ARAP1: variants seen among roughly 807,000 people sequenced by gnomAD.
ARAP1 encodes the protein ArfGAP with RhoGAP domain, ankyrin repeat and PH domain 1.
In ARAP1, 76 loss-of-function variants were observed where a neutral mutation model predicts 172.2. The observed-to-expected ratio is 0.44, with a 90% CI of 0.37 to 0.53. The LOEUF is 0.53. Ranked by LOEUF, ARAP1 falls within the 20% of genes least tolerant of loss-of-function variation. The probability of loss-of-function intolerance (pLI) is 0.00; values close to 1 mark genes in which losing one functional copy is unlikely to be tolerated. For missense variants in ARAP1, 1,686 were observed against 1,977.5 expected (o/e 0.85, Z 2.80); for synonymous variants, 804 against 803.3 (o/e 1.00, Z -0.01).
intron 1 of ARAP1, among the ~76,000 whole-genome samples, chr11:72,745,355 A>ATTTTTTTTTTTTTTTTTT: frequency 9.0e-6 from 1 of 110,746 alleles, no homozygotes; most frequent in Non-Finnish European, 1.8e-5. Context: ...CGTCCGGCTA[A>ATTTTTTTTTTTTTTTTTT]TTTTTTTTTT....
At position 72,736,124 on chromosome 11, in the gene ARAP1, T is replaced by C. The variant is rs144112810; in HGVS notation, c.-127-3527A>G. Among the ~76,000 whole-genome samples, 195 of 152,386 alleles carry C rather than the reference T, an allele frequency of 1.3e-3. 1 individual carries two copies. The highest frequency in any genetic ancestry group is 4.5e-3 in the African/African-American group (188 of 41,592). ...TTTAAAATGTTAATGTTTTATATTT[T>C]GCTCATCATGGATTTTTGGCATTAA... On this transcript the variant is annotated intron_variant, in intron 1 of 34. Coordinates refer to ENST00000393609, the MANE Select transcript of ARAP1 (RefSeq NM_001040118.3).
chr11:72,736,633 G>T (rs546960645), intron 1 of ARAP1, among the ~76,000 whole-genome samples: 2 of 152,000 alleles, frequency 1.3e-5, no homozygotes, highest in South Asian at 4.2e-4. Context: ...CCACCCTAAT[G>T]GCCCAATCAG....
intron 12 of ARAP1, among the ~76,000 whole-genome samples, chr11:72,706,351 T>A (rs930396704): frequency 1.3e-5 from 2 of 152,148 alleles, no homozygotes; most frequent in Non-Finnish European, 2.9e-5. Context: ...TCAGCTGGCA[T>A]GTCACCTCCT....
intron 1 of ARAP1, among the ~76,000 whole-genome samples, chr11:72,740,021 G>A (rs1858153909): frequency 6.6e-6 from 1 of 152,212 alleles, no homozygotes; most frequent in Admixed American, 6.5e-5. Context: ...GGAGCAGGGG[G>A]AGAAGAGCTG....
rs1284457075 is a variant in ARAP1 at position 72,697,947 on chromosome 11, C to T, written c.2701G>A (p.Glu901Lys). The stretch of plus-strand genomic sequence containing the variant: ...AGTTTCCGTAGTTGCAGCGGCTCTT[C>T]GCAGGGCCCCTCCGGGAAGACAGCA... ...LRAVFPEGPC[E>K]EPLQLRKLQE... Residue 901 changes from glutamate (E) to lysine (K), a missense_variant, in exon 19 of 35, where the codon GAA (glutamate) becomes AAA (lysine). Glu to Lys is a moderately conservative substitution (Grantham distance 56). Transcript: ENST00000393609. The T allele has an allele frequency of 3.7e-6, 6 of 1,610,364 alleles. No individual in the cohort carries two copies. Among genetic ancestry groups the T allele is most frequent in the Middle Eastern group, 1.7e-4 (1 of 6,042 alleles).
intron 3 of ARAP1, among the ~76,000 whole-genome samples, chr11:72,718,141 G>T (rs1016344495): frequency 6.6e-6 from 1 of 152,210 alleles, no homozygotes; most frequent in African/African-American, 2.4e-5. Context: ...GAAGTCTCCT[G>T]GCTGCTCCCT....
chr11:72,712,132 G>C, intron 7 of ARAP1, 64 bp downstream of exon 7: 1 of 1,496,058 alleles, frequency 6.7e-7, no homozygotes, highest in Non-Finnish European at 8.9e-7. Flanking sequence ...GTGTCCTGGG[G>C]TCCTGGACAC....
In ARAP1 at chr11:72,710,366, T is replaced by G. The variant is rs1480603117; in HGVS notation, c.1416+19A>C. On this transcript the variant is annotated intron_variant, in intron 10 of 34. Transcript: ENST00000393609. The surrounding 1 kb of genome is among the most constrained non-coding windows in gnomAD (Gnocchi z 4.3). ...TAGGTGGACATGGGCAGGGGAGAGG[T>G]TCCATGACCCCTTAGCACCTCTAGA... 2 of 1,611,734 alleles carry G rather than the reference T, an allele frequency of 1.2e-6. No homozygotes were observed. The highest frequency in any genetic ancestry group is 3.3e-5 in the Admixed American group (2 of 59,870).
chr11:72,719,920 A>C (rs1591221713), intron 3 of ARAP1, among the ~76,000 whole-genome samples: 1 of 152,104 alleles, frequency 6.6e-6, no homozygotes, highest in Non-Finnish European at 1.5e-5. Context: ...AGCCCAAATC[A>C]TACATCCATC....
rs573265759 is a variant in ARAP1, at chr11:72,699,914, T to C, written c.2303-362A>G. On this transcript the variant is annotated intron_variant, in intron 16 of 34. Transcript: ENST00000393609. This position sits in a 1 kb window ranked among gnomAD's most constrained non-coding sequence, Gnocchi z 4.2. ...GCCCGTCTCTCCAGCTGCCTCTCTG[T>C]CACTCCTGGACACACACATCCCTAC... The C allele has an allele frequency of 1.3e-4, 41 of 315,114 alleles. No individual in the cohort carries two copies. The highest frequency in any genetic ancestry group is 1.2e-3 in the Middle Eastern group (3 of 2,484). 19.5% of individuals were successfully genotyped at this position (315,114 alleles called of 1,614,324 possible).
rs1269326363 is a variant in ARAP1, at chr11:72,713,183, G to A, written c.740C>T (p.Thr247Ile). The A allele has an allele frequency of 6.2e-7, 1 of 1,613,900 alleles. No individual in the cohort carries two copies. Among genetic ancestry groups the A allele is most frequent in the Non-Finnish European group, 8.5e-7 (1 of 1,179,878 alleles). The change falls in exon 5 of 35, where the codon ACC becomes ATC. Residue 247 changes from threonine (T) to isoleucine (I), a missense_variant. This residue lies in a region of ARAP1 where 155 missense variants were observed against 129.2 expected (regional missense o/e 1.20). Coordinates refer to ENST00000393609, the MANE Select transcript of ARAP1 (RefSeq NM_001040118.3). ...TCCCATGCCTGGCCCCACCTTCTTG[G>A]TCATCACTCTGGCTGGGGCCCCCGG... is the stretch of plus-strand genomic sequence containing the variant. ...EGPGAPARVM[T>I]KKEEPPPSRV...
chr11:72,702,315 G>A (rs1469118891), intron 15 of ARAP1, among the ~76,000 whole-genome samples: 4 of 151,930 alleles, frequency 2.6e-5, no homozygotes, highest in Admixed American at 6.6e-5. Flanking sequence ...CCATGGCCCT[G>A]AGCCCAGAGC....
chr11:72,712,944 C>G (rs917137059), intron 5 of ARAP1: 2 of 603,852 alleles, frequency 3.3e-6, no homozygotes, highest in African/African-American at 3.7e-5. Context: ...ACATGCCCAC[C>G]CACATACAGC....
At chr11:72,703,123 G>A (rs747532703) in intron 14 of ARAP1, 44 bp from the exon 15 acceptor site, 2 of 1,484,626 alleles carry the variant, frequency 1.3e-6, no homozygotes, top group African/African-American at 2.8e-5. Flanking sequence ...GGAGTAGGGG[G>A]CCCACAAGGA....
intron 12 of ARAP1, 49 bp from the exon 13 acceptor site, chr11:72,705,939 G>A (rs1565217828): frequency 1.3e-6 from 2 of 1,595,366 alleles, no homozygotes; most frequent in Non-Finnish European, 1.7e-6. Context: ...CCCCTTCACG[G>A]GAGCACTTAC....
rs780126682 is a variant in ARAP1, at chr11:72,707,323, C to T, written c.1575G>A (p.Gln525=). The T allele has an allele frequency of 2.5e-6, 4 of 1,613,700 alleles. No individual in the cohort carries two copies. The highest frequency in any genetic ancestry group is 1.7e-4 in the Middle Eastern group (1 of 5,900). The change falls in exon 12 of 35, where the codon CAG becomes CAA. Residue 525 remains glutamine, a synonymous_variant. Coordinates refer to ENST00000393609, the MANE Select transcript of ARAP1 (RefSeq NM_001040118.3). ...LEKEQWLEAM[Q]GAIAEALSTS... is the part of the protein sequence containing the mutation. ...TAGACAGGGCCTCAGCGATGGCTCC[C>T]TGCATGGCCTCCAACCACTGCTCCT...
Position 72,712,201 on chromosome 11 carries a change from C to T in ARAP1, c.1017G>A (p.Pro339=), listed in dbSNP as rs149772953. The T allele has an allele frequency of 1.2e-3, 1,943 of 1,601,180 alleles. 2 individuals are homozygous for T. Among genetic ancestry groups the T allele is most frequent in the East Asian group, 1.9e-3 (83 of 44,766 alleles). ...ACCCAAGAGGCCTCACTCACCCCTGCGGTGGGTTCTTGTCCAGCCAGCCAG... is the reference window on the plus strand; with the variant it reads ...ACCCAAGAGGCCTCACTCACCCCTGTGGTGGGTTCTTGTCCAGCCAGCCAG... The part of the protein sequence containing the change: ...IKAGWLDKNP[P]QGSYIYQKRW... The change falls in exon 7 of 35, where the codon CCG becomes CCA. Residue 339 remains proline, a synonymous_variant. Transcript: ENST00000393609.
rs950037602 is a variant in ARAP1 at position 72,685,968 on chromosome 11, T to C, written c.4335+74A>G. The stretch of plus-strand genomic sequence containing the variant: ...TCGGGGAGGGCAATCAGGGCAATCA[T>C]CTACTGTGGAGTAGAAGGCAGGCAC... On this transcript the variant is annotated intron_variant, in intron 34 of 34. Coordinates refer to ENST00000393609, the MANE Select transcript of ARAP1 (RefSeq NM_001040118.3). 4 of 1,611,552 alleles carry C rather than the reference T, an allele frequency of 2.5e-6. No individual in the cohort carries two copies. The African/African-American group carries it at 4.0e-5, about 16-fold the overall frequency.
chr11:72,695,953 G>C lies in ARAP1; in HGVS notation c.3273-88C>G. On this transcript the variant is annotated intron_variant, in intron 23 of 34. Coordinates refer to ENST00000393609, the MANE Select transcript of ARAP1 (RefSeq NM_001040118.3). This position sits in a 1 kb window ranked among gnomAD's most constrained non-coding sequence, Gnocchi z 4.4. The stretch of plus-strand genomic sequence containing the variant: ...ATTAATTTCTGACAGGTCCAAGACT[G>C]GTCTGGTCAGAGGGGACCACTGTTT... 14 of 1,473,166 alleles carry C rather than the reference G, an allele frequency of 9.5e-6. No individual in the cohort carries two copies. Among genetic ancestry groups the C allele is most frequent in the Non-Finnish European group, 1.3e-5 (14 of 1,103,886 alleles). The allele number at this position is 1,473,166 out of a possible 1,614,324, so 91.3% of individuals were successfully genotyped here.
Sources: gnomAD v4.1 joint callset for allele counts (sites outside exome capture counted in the v4.1 genomes callset) on GRCh38, gnomAD v4.1.1 for gene constraint, gnomAD v4.1.1 regional missense constraint, Gnocchi (gnomAD v3.1) non-coding constraint, MANE v1.5 for transcripts, NCBI Gene and HGNC (gene_info 2026-07-23, HGNC 2026-07-21) for gene names.